The following IQGAP2 variants were observed in gnomAD, a reference collection of about 807,000 sequenced individuals.
IQGAP2 encodes the protein IQ motif containing GTPase activating protein 2.
In IQGAP2, 173 loss-of-function variants were observed where a neutral mutation model predicts 201.3. That is an observed-to-expected ratio of 0.86 (90% CI 0.76 to 0.98). The LOEUF (loss-of-function observed/expected upper bound fraction) is 0.98, where lower values mean the gene tolerates loss of function less well. Among genes scored for constraint, IQGAP2 ranks in the 50% least tolerant of loss-of-function variants. IQGAP2 has a pLI of 0.00. For synonymous variants in IQGAP2, 675 were observed against 673.9 expected, an observed-to-expected ratio of 1.00 and a Z score of -0.03; for missense variants, 1,687 against 1,864.8, an observed-to-expected ratio of 0.90 and a Z score of 1.76.
intron 2 of IQGAP2, among the ~76,000 whole-genome samples, chr5:76,488,749 C>T (rs1043715359): frequency 3.3e-5 from 5 of 152,118 alleles, no homozygotes; most frequent in Admixed American, 1.3e-4. Flanking sequence ...CTGTAATGGC[C>T]GGACTAATCC....
At chr5:76,645,438 T>C (rs916321495) in intron 17 of IQGAP2, among the ~76,000 whole-genome samples, 2 of 152,228 alleles carry the variant, frequency 1.3e-5, no homozygotes, top group Non-Finnish European at 2.9e-5. Flanking sequence ...TCTTCCACAA[T>C]GGTTGAACTA....
intron 1 of IQGAP2, among the ~76,000 whole-genome samples, chr5:76,422,909 A>C (rs571155508): frequency 1.3e-5 from 2 of 152,230 alleles, no homozygotes; most frequent in Non-Finnish European, 2.9e-5. Context: ...GAGGTTGGTA[A>C]TGTTATCCCC....
intron 30 of IQGAP2, among the ~76,000 whole-genome samples, chr5:76,692,396 C>T (rs1349419317): frequency 6.6e-6 from 1 of 152,218 alleles, no homozygotes; most frequent in Non-Finnish European, 1.5e-5. Flanking sequence ...AGGTGATCCG[C>T]CCACCTCGGC....
At chr5:76,412,063 C>T (rs1212171856) in intron 1 of IQGAP2, among the ~76,000 whole-genome samples, 52 of 152,090 alleles carry the variant, frequency 3.4e-4, no homozygotes, top group Admixed American at 3.1e-3. Flanking sequence ...TTCATTTATT[C>T]GTTTATTCAT....
At chr5:76,651,164 TA>T (rs553503955) in intron 17 of IQGAP2, among the ~76,000 whole-genome samples, 402 of 152,162 alleles carry the variant, frequency 2.6e-3, no homozygotes, top group African/African-American at 9.4e-3. Flanking sequence ...CTTAAAGCCA[TA>T]AAAAAAAGTT....
chr5:76,595,295 C>T (rs1746947687), intron 9 of IQGAP2, among the ~76,000 whole-genome samples: 1 of 120,000 alleles, frequency 8.3e-6, no homozygotes, highest in South Asian at 2.6e-4. Context: ...TATTCTATTG[C>T]CCAGTCTGGT....
At chr5:76,453,960 C>T (rs757901990) in intron 1 of IQGAP2, among the ~76,000 whole-genome samples, 10 of 152,160 alleles carry the variant, frequency 6.6e-5, no homozygotes, top group Non-Finnish European at 1.3e-4. Context: ...GCCTTGGAAA[C>T]TTGACACTTC....
intron 28 of IQGAP2, among the ~76,000 whole-genome samples, chr5:76,678,294 C>T (rs11741978): frequency 0.11 from 16,921 of 152,106 alleles, 990 homozygotes; most frequent in Middle Eastern, 0.2. Flanking sequence ...ACATCTACAT[C>T]TGGTTTGCAT....
At chr5:76,414,438 G>A (rs1465031942) in intron 1 of IQGAP2, among the ~76,000 whole-genome samples, 1 of 152,144 alleles carries the variant, frequency 6.6e-6, no homozygotes, top group East Asian at 1.9e-4. Context: ...GGTAGTTATA[G>A]AGCTAATACA....
rs181291122 is a variant in IQGAP2, at chr5:76,589,243, C to T, written c.526+270C>T. 1.3e-3 allele frequency among the ~76,000 whole-genome samples: 189 copies of T among 145,740 alleles called. 1 individual carries two copies. The highest frequency in any genetic ancestry group is 1.3e-3 in the Non-Finnish European group (90 of 67,258). On this transcript the variant is annotated intron_variant, in intron 6 of 35. Coordinates refer to ENST00000274364, the MANE Select transcript of IQGAP2 (RefSeq NM_006633.5). ...AGGAGAATGGCGTGAACCTGGGAGG[C>T]GGAGCTTGCAGTGAGCTGAGATTGT...
At chr5:76,678,626 A>G (rs1344888005) in intron 28 of IQGAP2, among the ~76,000 whole-genome samples, 2 of 152,208 alleles carry the variant, frequency 1.3e-5, no homozygotes, top group Non-Finnish European at 2.9e-5. Flanking sequence ...CATTGTAACA[A>G]GATCCCAGAG....
chr5:76,403,778 GC>G lies in IQGAP2; in HGVS notation c.46+193del, dbSNP rs1338557267. Among the ~76,000 whole-genome samples, 1 of 152,150 alleles carries G rather than the reference GC, an allele frequency of 6.6e-6. No individual in the cohort carries two copies. The highest frequency in any genetic ancestry group is 1.5e-5 in the Non-Finnish European group (1 of 67,976). On this transcript the variant is annotated intron_variant, in intron 1 of 35. Coordinates refer to ENST00000274364, the MANE Select transcript of IQGAP2 (RefSeq NM_006633.5). The surrounding 1 kb of genome is among the most constrained non-coding windows in gnomAD (Gnocchi z 4.8). ...TGAATCGCGTCCCCCCGCTCCTCCC[GC>G]CCCCCAATTCCTAATATCCAGCTGG...
chr5:76,516,811 A>G (rs1045060869), intron 2 of IQGAP2, among the ~76,000 whole-genome samples: 6 of 152,236 alleles, frequency 3.9e-5, no homozygotes, highest in African/African-American at 1.4e-4. Flanking sequence ...GAAGAAAGGT[A>G]TATGTTCCCT....
intron 13 of IQGAP2, 65 bp downstream of exon 13, chr5:76,611,248 G>A: frequency 1.6e-6 from 2 of 1,288,654 alleles, no homozygotes; most frequent in Non-Finnish European, 2.2e-6. Context: ...AGAGAAGGAG[G>A]AGGATTTGAC....
chr5:76,654,888 G>A (rs770909740), intron 19 of IQGAP2, 46 bp from the exon 20 acceptor site: 24 of 1,215,846 alleles, frequency 2.0e-5, no homozygotes, highest in Non-Finnish European at 2.7e-5. Context: ...AAATGATGGA[G>A]TAGGTGGGAC....
intron 17 of IQGAP2, among the ~76,000 whole-genome samples, chr5:76,648,750 C>G (rs1019067106): frequency 1.3e-5 from 2 of 152,118 alleles, no homozygotes; most frequent in Admixed American, 6.5e-5. Context: ...CTGAAAAATA[C>G]AGTAACAGAT....
chr5:76,461,816 T>C, intron 2 of IQGAP2, 147 bp downstream of exon 2: 1 of 623,978 alleles, frequency 1.6e-6, no homozygotes. Flanking sequence ...GGAGAGATTC[T>C]TGCCTGCACT....
chr5:76,701,293 A>G (rs1747365931), intron 34 of IQGAP2, 80 bp downstream of exon 34: 14 of 1,382,824 alleles, frequency 1.0e-5, no homozygotes, highest in Non-Finnish European at 1.3e-5. Context: ...CATTTGGTCT[A>G]GCAAGGCTTA....
intron 4 of IQGAP2, among the ~76,000 whole-genome samples, chr5:76,572,482 A>G (rs990645142): frequency 1.3e-5 from 2 of 151,826 alleles, no homozygotes; most frequent in African/African-American, 4.8e-5. Context: ...GTTTCTTATC[A>G]GGCTGTTAGT....
Sources: gnomAD v4.1 joint callset for allele counts (sites outside exome capture counted in the v4.1 genomes callset) on GRCh38, gnomAD v4.1.1 for gene constraint, Gnocchi (gnomAD v3.1) non-coding constraint, MANE v1.5 for transcripts, NCBI Gene and HGNC (gene_info 2026-07-23, HGNC 2026-07-21) for gene names.